The following CTNNA3 variants were observed in gnomAD, a reference collection of about 807,000 sequenced individuals.
CTNNA3 encodes the protein catenin alpha 3.
A neutral mutation model predicts 95.7 loss-of-function variants in CTNNA3; 76 were observed. The observed-to-expected ratio is 0.79, with a 90% CI of 0.66 to 0.96. The LOEUF (loss-of-function observed/expected upper bound fraction) is 0.96, where lower values mean the gene tolerates loss of function less well. Among genes scored for constraint, CTNNA3 ranks in the 40% least tolerant of loss-of-function variants. The pLI is 0.00. For missense variants in CTNNA3, 1,191 were observed against 1,089.8 expected (o/e 1.09, Z -1.31); for synonymous variants, 431 against 374.4 (o/e 1.15, Z -1.74).
intron 1 of CTNNA3, among the ~76,000 whole-genome samples, chr10:67,683,556 A>C (rs1840668160): frequency 6.6e-6 from 1 of 152,198 alleles, no homozygotes; most frequent in Non-Finnish European, 1.5e-5. Context: ...AGGCCTCATC[A>C]ACTGAGAATT....
intron 10 of CTNNA3, among the ~76,000 whole-genome samples, chr10:66,568,130 A>G (rs963205899): frequency 1.3e-5 from 2 of 152,318 alleles, no homozygotes; most frequent in Non-Finnish European, 1.5e-5. Flanking sequence ...AGAACAGACA[A>G]AAGAGAGCAT....
intron 15 of CTNNA3, among the ~76,000 whole-genome samples, chr10:66,052,972 A>C (rs1019178935): frequency 6.6e-6 from 1 of 152,120 alleles, no homozygotes; most frequent in Non-Finnish European, 1.5e-5. Flanking sequence ...AATTCTATGC[A>C]TAGAATATAT....
At chr10:67,658,406 A>C (rs1840086832) in intron 1 of CTNNA3, among the ~76,000 whole-genome samples, 2 of 152,230 alleles carry the variant, frequency 1.3e-5, no homozygotes, top group African/African-American at 4.8e-5. Flanking sequence ...ACTTGTCTAC[A>C]TTCAGATTAA....
intron 5 of CTNNA3, among the ~76,000 whole-genome samples, chr10:67,408,238 T>A (rs1418350986): frequency 1.3e-5 from 2 of 152,150 alleles, no homozygotes; most frequent in African/African-American, 4.8e-5. Context: ...TAGAATAAAA[T>A]ATTTTAAAAT....
chr10:66,928,208 T>C (rs752492333), intron 7 of CTNNA3: 27 of 1,614,004 alleles, frequency 1.7e-5, no homozygotes, highest in African/African-American at 6.7e-5. Context: ...TTCCTGTCCG[T>C]GCTCGTCATC....
chr10:66,748,356 T>C (rs896893586), intron 9 of CTNNA3, among the ~76,000 whole-genome samples: 5 of 152,214 alleles, frequency 3.3e-5, no homozygotes, highest in Non-Finnish European at 5.9e-5. Context: ...CTTGCCAATG[T>C]AGTTAAAAAT....
chr10:65,965,867 T>G (rs2133254970), intron 17 of CTNNA3, among the ~76,000 whole-genome samples: 2 of 152,244 alleles, frequency 1.3e-5, no homozygotes, highest in African/African-American at 4.8e-5. Flanking sequence ...AAATATAAAT[T>G]CCCAGAATAT....
At chr10:66,873,045 C>A (rs760068490) in intron 7 of CTNNA3, among the ~76,000 whole-genome samples, 3 of 152,198 alleles carry the variant, frequency 2.0e-5, no homozygotes, top group Non-Finnish European at 4.4e-5. Context: ...CTTATAGCTA[C>A]ATAGTATTTC....
chr10:66,445,539 A>G (rs2093413664), intron 11 of CTNNA3, among the ~76,000 whole-genome samples: 1 of 152,206 alleles, frequency 6.6e-6, no homozygotes. Flanking sequence ...CTGCTCAACT[A>G]CATGGAAACG....
intron 7 of CTNNA3, among the ~76,000 whole-genome samples, chr10:66,844,648 T>C (rs1025405959): frequency 4.6e-5 from 7 of 152,126 alleles, no homozygotes; most frequent in Admixed American, 4.6e-4. Flanking sequence ...AATCTAAGAG[T>C]TATGAAAAAA....
intron 6 of CTNNA3, 79 bp from the exon 7 acceptor site, chr10:67,180,599 G>C: frequency 8.3e-7 from 1 of 1,209,016 alleles, no homozygotes; most frequent in Non-Finnish European, 1.2e-6. Context: ...TTTTGTTTTT[G>C]CATTTAGAAT....
At chr10:67,609,526 C>T (rs569573898) in intron 2 of CTNNA3, among the ~76,000 whole-genome samples, 3 of 152,216 alleles carry the variant, frequency 2.0e-5, no homozygotes, top group South Asian at 2.1e-4. Flanking sequence ...ACCCTCCTCC[C>T]CTTACCCAAT....
intron 1 of CTNNA3, among the ~76,000 whole-genome samples, chr10:67,732,600 C>G (rs1841281857): frequency 6.6e-6 from 1 of 152,142 alleles, no homozygotes; most frequent in Non-Finnish European, 1.5e-5. Context: ...AATAGAATGG[C>G]CTTAAATCTC....
At chr10:67,067,629 G>A (rs935965720) in intron 7 of CTNNA3, among the ~76,000 whole-genome samples, 4 of 152,116 alleles carry the variant, frequency 2.6e-5, no homozygotes, top group Non-Finnish European at 5.9e-5. Flanking sequence ...TTTTTCCTTA[G>A]AGTACATCCT....
chr10:65,976,056 T>C (rs1321337156), intron 16 of CTNNA3, among the ~76,000 whole-genome samples: 1 of 152,148 alleles, frequency 6.6e-6, no homozygotes. Context: ...TGAAGGAGAA[T>C]ATTGACAAAC....
chr10:67,725,753 T>C (rs1434998685), intron 1 of CTNNA3, among the ~76,000 whole-genome samples: 1 of 151,552 alleles, frequency 6.6e-6, no homozygotes, highest in Non-Finnish European at 1.5e-5. Flanking sequence ...TAGAGGTTGG[T>C]TCTAGAAAAG....
chr10:66,895,069 A>AAG (rs1845426859), intron 7 of CTNNA3, among the ~76,000 whole-genome samples: 1 of 150,334 alleles, frequency 6.7e-6, no homozygotes, highest in Non-Finnish European at 1.5e-5. Context: ...AAAAAAAAAA[A>AAG]AAAGAAAGTG....
At chr10:66,718,638 T>C (rs1848530057) in intron 9 of CTNNA3, among the ~76,000 whole-genome samples, 1 of 149,246 alleles carries the variant, frequency 6.7e-6, no homozygotes, top group Admixed American at 6.7e-5. Context: ...TATAATAATA[T>C]AATGTAAATA....
At chr10:66,413,086 A>G (rs967377646) in intron 11 of CTNNA3, among the ~76,000 whole-genome samples, 2 of 152,216 alleles carry the variant, frequency 1.3e-5, no homozygotes, top group Non-Finnish European at 2.9e-5. Flanking sequence ...ACAGGATACA[A>G]CTTATGAGTA....
Sources: gnomAD v4.1 joint callset for allele counts (sites outside exome capture counted in the v4.1 genomes callset) on GRCh38, gnomAD v4.1.1 for gene constraint, MANE v1.5 for transcripts, NCBI Gene and HGNC (gene_info 2026-07-23, HGNC 2026-07-21) for gene names.